Variants in RAB3C observed in about 807,000 individuals in gnomAD.
RAB3C encodes ras-related protein Rab-3C.
RAB3C carries 17 observed loss-of-function variants against 26.4 expected under a neutral mutation model. The observed-to-expected ratio is 0.64, with a 90% CI of 0.44 to 0.97. The LOEUF (loss-of-function observed/expected upper bound fraction) is 0.97. Among genes scored for constraint, RAB3C ranks in the 50% least tolerant of loss-of-function variants. RAB3C has a pLI of 0.00. For missense variants in RAB3C, 242 were observed against 281.9 expected, an observed-to-expected ratio of 0.86 and a Z score of 1.01; for synonymous variants, 91 against 95.9, an observed-to-expected ratio of 0.95 and a Z score of 0.30.
At chr5:58,674,342 G>T (rs879321316) in intron 2 of RAB3C, among the ~76,000 whole-genome samples, 4 of 152,154 alleles carry the variant, frequency 2.6e-5, no homozygotes, top group Non-Finnish European at 5.9e-5. Flanking sequence ...TTATATTTTT[G>T]AAGTATATAT....
chr5:58,672,929 G>A (rs918871570), intron 2 of RAB3C, among the ~76,000 whole-genome samples: 1 of 152,116 alleles, frequency 6.6e-6, no homozygotes, highest in Non-Finnish European at 1.5e-5. Context: ...ATTTGTTAAA[G>A]TCTACCCCAT....
chr5:58,752,992 C>T (rs1741567230), intron 3 of RAB3C, among the ~76,000 whole-genome samples: 1 of 151,362 alleles, frequency 6.6e-6, no homozygotes, highest in African/African-American at 2.4e-5. Context: ...TTAGCAGAGA[C>T]CTTAAAGAAT....
chr5:58,615,123 A>G (rs1466580535), intron 1 of RAB3C, among the ~76,000 whole-genome samples: 1 of 152,096 alleles, frequency 6.6e-6, no homozygotes. Context: ...TTTTGAAACC[A>G]ACTTAATTTT....
chr5:58,729,937 C>A (rs1245031209), intron 3 of RAB3C, among the ~76,000 whole-genome samples: 5 of 145,922 alleles, frequency 3.4e-5, no homozygotes, highest in African/African-American at 1.3e-4. Flanking sequence ...ATATACATAT[C>A]CTATATTAAT....
At chr5:58,620,786 T>A (rs1461544732) in intron 2 of RAB3C, among the ~76,000 whole-genome samples, 1 of 152,150 alleles carries the variant, frequency 6.6e-6, no homozygotes, top group Non-Finnish European at 1.5e-5. Context: ...ATGTGGTGGT[T>A]ATTTTTTTTG....
chr5:58,602,428 T>C (rs1746476687), intron 1 of RAB3C, among the ~76,000 whole-genome samples: 1 of 152,190 alleles, frequency 6.6e-6, no homozygotes, highest in South Asian at 2.1e-4. Context: ...TGATGACCTG[T>C]CTAGTGCTGT....
At chr5:58,667,848 G>C (rs1748032540) in intron 2 of RAB3C, among the ~76,000 whole-genome samples, 1 of 152,068 alleles carries the variant, frequency 6.6e-6, no homozygotes. Context: ...CCTCTCCTAA[G>C]ATAGTCTCTT....
chr5:58,615,878 G>A (rs561798215), intron 1 of RAB3C, among the ~76,000 whole-genome samples: 13 of 151,966 alleles, frequency 8.6e-5, no homozygotes, highest in East Asian at 3.9e-4. Context: ...ATAAAATTGT[G>A]TTATCTTGCT....
chr5:58,737,934 A>C (rs1188629283), intron 3 of RAB3C, among the ~76,000 whole-genome samples: 3 of 152,198 alleles, frequency 2.0e-5, no homozygotes, highest in Admixed American at 6.5e-5. Context: ...CATAGTGAGC[A>C]ATGTGACTTA....
chr5:58,827,762 A>G (rs976479815), intron 4 of RAB3C, among the ~76,000 whole-genome samples: 20 of 152,192 alleles, frequency 1.3e-4, no homozygotes, highest in African/African-American at 4.6e-4. Context: ...TACCTCGTTT[A>G]ATGTGGCTTG....
intron 3 of RAB3C, among the ~76,000 whole-genome samples, chr5:58,819,693 G>A (rs967775367): frequency 6.7e-6 from 1 of 149,404 alleles, no homozygotes; most frequent in African/African-American, 2.5e-5. Flanking sequence ...TAGCCAACAT[G>A]GTGAAATCCT....
chr5:58,614,478 T>C (rs292967), intron 1 of RAB3C, among the ~76,000 whole-genome samples: 41,181 of 147,742 alleles, frequency 0.28, 6,070 homozygotes, highest in East Asian at 0.59. Context: ...TAGGAAATAG[T>C]ACAAAAAAAA....
At chr5:58,658,662 G>C (rs527531727) in intron 2 of RAB3C, among the ~76,000 whole-genome samples, 2 of 152,150 alleles carry the variant, frequency 1.3e-5, no homozygotes, top group East Asian at 3.9e-4. Flanking sequence ...ACTGGGTTTA[G>C]CTGGGTGGCT....
chr5:58,592,510 A>G (rs1579803384), intron 1 of RAB3C, among the ~76,000 whole-genome samples: 2 of 152,082 alleles, frequency 1.3e-5, no homozygotes, highest in South Asian at 2.1e-4. Flanking sequence ...TCTTTCACCT[A>G]TGTACCATTT....
intron 2 of RAB3C, among the ~76,000 whole-genome samples, chr5:58,632,795 C>T (rs158975): frequency 0.66 from 100,734 of 152,060 alleles, 34,336 homozygotes; most frequent in African/African-American, 0.82. Context: ...CAGCCTATTA[C>T]CATCCCCTTC....
intron 2 of RAB3C, among the ~76,000 whole-genome samples, chr5:58,688,310 C>A (rs925682165): frequency 9.9e-5 from 15 of 152,174 alleles, no homozygotes; most frequent in Admixed American, 9.8e-4. Flanking sequence ...GCCATGTGTA[C>A]CATGGCATAA....
At chr5:58,695,719 CTGTT>C (rs1488222981) in intron 2 of RAB3C, among the ~76,000 whole-genome samples, 2 of 151,474 alleles carry the variant, frequency 1.3e-5, no homozygotes, top group East Asian at 3.9e-4. Flanking sequence ...ATTTGGCTCT[CTGTT>C]TGTCTGTTAT....
chr5:58,701,965 C>A (rs974306906), intron 2 of RAB3C, among the ~76,000 whole-genome samples: 17 of 152,110 alleles, frequency 1.1e-4, no homozygotes, highest in Non-Finnish European at 2.1e-4. Context: ...GGAAAGTAGA[C>A]CCCTTGGAGA....
intron 3 of RAB3C, among the ~76,000 whole-genome samples, chr5:58,757,015 C>T (rs1741683096): frequency 6.6e-6 from 1 of 152,234 alleles, no homozygotes; most frequent in African/African-American, 2.4e-5. Context: ...TGAGGAATCA[C>T]CACACTGTCT....
Sources: gnomAD v4.1 joint callset for allele counts (sites outside exome capture counted in the v4.1 genomes callset) on GRCh38, gnomAD v4.1.1 for gene constraint, MANE v1.5 for transcripts, NCBI Gene and HGNC (gene_info 2026-07-23, HGNC 2026-07-21) for gene names.